The following AGBL1 variants were observed in gnomAD, a reference collection of about 807,000 sequenced individuals.
AGBL1 encodes the protein cytosolic carboxypeptidase 4.
AGBL1 carries 130 observed loss-of-function variants against 118.9 expected under a neutral mutation model. That is an observed-to-expected ratio of 1.09 (90% CI 0.95 to 1.26). AGBL1 has a LOEUF of 1.26. Among genes scored for constraint, AGBL1 ranks in the 50% most tolerant of loss-of-function variants. The pLI is 0.00. For missense variants in AGBL1, 1,584 were observed against 1,298.1 expected, an observed-to-expected ratio of 1.22 and a Z score of -3.38; for synonymous variants, 555 against 478.9, an observed-to-expected ratio of 1.16 and a Z score of -2.08.
intron 23 of AGBL1, among the ~76,000 whole-genome samples, chr15:86,973,348 G>C (rs2081130556): frequency 6.6e-6 from 1 of 152,016 alleles, no homozygotes; most frequent in South Asian, 2.1e-4. Flanking sequence ...ACCATCAACA[G>C]TTGAAGCTTC....
chr15:86,675,595 C>T (rs2085828172), intron 22 of AGBL1, among the ~76,000 whole-genome samples: 1 of 152,122 alleles, frequency 6.6e-6, no homozygotes, highest in Admixed American at 6.5e-5. Flanking sequence ...TGCCCCTGGT[C>T]CCTTCAACAC....
intron 17 of AGBL1, among the ~76,000 whole-genome samples, chr15:86,345,308 C>T (rs1496895): frequency 0.62 from 93,238 of 151,524 alleles, 30,179 homozygotes; most frequent in Non-Finnish European, 0.72. Flanking sequence ...TGCTGCTAAG[C>T]CATCCCCCTG....
At chr15:86,263,619 A>G (rs1567164175) in intron 10 of AGBL1, among the ~76,000 whole-genome samples, 1 of 152,252 alleles carries the variant, frequency 6.6e-6, no homozygotes, top group Non-Finnish European at 1.5e-5. Context: ...GAAGGTGGAC[A>G]TACTGACTTC....
chr15:86,975,969 C>A (rs1443387028), intron 23 of AGBL1, among the ~76,000 whole-genome samples: 1 of 152,030 alleles, frequency 6.6e-6, no homozygotes, highest in South Asian at 2.1e-4. Flanking sequence ...CTGTCTGCAG[C>A]TGCTCAGTAA....
At chr15:86,363,776 G>C (rs1388979364) in intron 17 of AGBL1, among the ~76,000 whole-genome samples, 1 of 151,956 alleles carries the variant, frequency 6.6e-6, no homozygotes, top group Non-Finnish European at 1.5e-5. Flanking sequence ...AGCTCTCCTT[G>C]GTTCTCCTAA....
chr15:86,150,695 A>G (rs138921907), intron 3 of AGBL1, among the ~76,000 whole-genome samples: 311 of 152,312 alleles, frequency 2.0e-3, no homozygotes, highest in African/African-American at 7.3e-3. Context: ...AGAGATACAA[A>G]GAGGAGCTTG....
chr15:86,731,553 A>G (rs918646419), intron 22 of AGBL1, among the ~76,000 whole-genome samples: 15 of 152,198 alleles, frequency 9.9e-5, no homozygotes, highest in Admixed American at 3.3e-4. Context: ...CTGGGATTCT[A>G]TCTGATCCTG....
intron 18 of AGBL1, among the ~76,000 whole-genome samples, chr15:86,429,052 A>C (rs184041389): frequency 3.3e-5 from 5 of 152,342 alleles, no homozygotes; most frequent in Admixed American, 2.6e-4. Flanking sequence ...GTTTCCAGAA[A>C]CACATAGACA....
chr15:86,686,244 G>A (rs1275005528), intron 22 of AGBL1, among the ~76,000 whole-genome samples: 1 of 152,014 alleles, frequency 6.6e-6, no homozygotes, highest in African/African-American at 2.4e-5. Flanking sequence ...AGTTTGAATT[G>A]ACTCCATCTC....
intron 5 of AGBL1, among the ~76,000 whole-genome samples, chr15:86,219,600 C>T (rs994713270): frequency 1.3e-5 from 2 of 151,906 alleles, no homozygotes; most frequent in African/African-American, 4.8e-5. Context: ...TCAAAGATGC[C>T]TGTGACTTGC....
chr15:86,189,430 C>T (rs1013726118), intron 5 of AGBL1, among the ~76,000 whole-genome samples: 4 of 151,990 alleles, frequency 2.6e-5, no homozygotes, highest in Non-Finnish European at 5.9e-5. Flanking sequence ...GATATTTGAC[C>T]CCTCGAAATC....
intron 22 of AGBL1, among the ~76,000 whole-genome samples, chr15:86,770,551 GAA>G (rs1416425556): frequency 1.3e-5 from 2 of 151,970 alleles, no homozygotes. Flanking sequence ...CAGAAATTAA[GAA>G]AGACACCGCA....
At chr15:86,230,673 C>G (rs2078441465) in intron 6 of AGBL1, among the ~76,000 whole-genome samples, 1 of 152,210 alleles carries the variant, frequency 6.6e-6, no homozygotes, top group African/African-American at 2.4e-5. Flanking sequence ...TCAAGGCTGT[C>G]TCATCCAGGG....
chr15:86,524,912 A>G (rs1370791233), intron 19 of AGBL1, among the ~76,000 whole-genome samples: 1 of 152,212 alleles, frequency 6.6e-6, no homozygotes, highest in East Asian at 1.9e-4. Context: ...GCAATCAGGC[A>G]AGAGAAAGAA....
chr15:86,389,417 C>A (rs1407017456), intron 17 of AGBL1, among the ~76,000 whole-genome samples: 2 of 151,908 alleles, frequency 1.3e-5, no homozygotes, highest in Non-Finnish European at 2.9e-5. Flanking sequence ...CGATTTTATG[C>A]CCAGCAAAAA....
intron 9 of AGBL1, among the ~76,000 whole-genome samples, chr15:86,261,262 C>T (rs2078978158): frequency 6.6e-6 from 1 of 152,112 alleles, no homozygotes; most frequent in South Asian, 2.1e-4. Context: ...CAGTGGCCTT[C>T]CAGGTTGTGT....
intron 18 of AGBL1, among the ~76,000 whole-genome samples, chr15:86,510,279 A>G (rs1192251303): frequency 6.6e-6 from 1 of 152,156 alleles, no homozygotes; most frequent in Non-Finnish European, 1.5e-5. Flanking sequence ...GCTAGTTAGC[A>G]GGAAAGAGAA....
Position 86,723,780 on chromosome 15 carries a change from A to T in AGBL1, c.3158+49344A>T, listed in dbSNP as rs552594890. On this transcript the variant is annotated intron_variant, in intron 22 of 22. Coordinates refer to ENST00000614907, the MANE Select transcript of AGBL1 (RefSeq NM_001386094.1). ...AAAATTTGTGAGAGAGAAAAAAAGAAGAAGAAAGGAAGTGAGTATGTGAAA... is the reference window on the plus strand; with the variant it reads ...AAAATTTGTGAGAGAGAAAAAAAGATGAAGAAAGGAAGTGAGTATGTGAAA... Among the ~76,000 whole-genome samples, 3 of 152,328 alleles carry T rather than the reference A, an allele frequency of 2.0e-5. No individual in the cohort carries two copies. In the East Asian group the frequency reaches 5.8e-4, roughly 29 times the overall value.
At chr15:86,416,974 G>T (rs905135474) in intron 18 of AGBL1, among the ~76,000 whole-genome samples, 1 of 152,190 alleles carries the variant, frequency 6.6e-6, no homozygotes, top group Non-Finnish European at 1.5e-5. Context: ...TTATTCCACA[G>T]AGGAAGACAG....
Sources: gnomAD v4.1 joint callset for allele counts (sites outside exome capture counted in the v4.1 genomes callset) on GRCh38, gnomAD v4.1.1 for gene constraint, MANE v1.5 for transcripts, NCBI Gene and HGNC (gene_info 2026-07-23, HGNC 2026-07-21) for gene names.